Variants in ADGRL3 observed in about 807,000 individuals in gnomAD.
ADGRL3 encodes the protein adhesion G protein-coupled receptor L3.
Under a neutral mutation model 153.5 loss-of-function variants are expected in ADGRL3, and 62 were observed. The ratio of observed to expected loss-of-function variants is 0.40; its 90% confidence interval spans 0.33 to 0.50. The LOEUF is 0.50. Among genes scored for constraint, ADGRL3 ranks in the 20% least tolerant of loss-of-function variants. The pLI, the probability that ADGRL3 is intolerant of heterozygous loss-of-function variation, is 0.47. For synonymous variants in ADGRL3, 710 were observed against 672.5 expected (o/e 1.06, Z -0.86); for missense variants, 1,641 against 1,859.4 (o/e 0.88, Z 2.16).
chr4:61,294,454 A>G (rs2094333836), intron 1 of ADGRL3, among the ~76,000 whole-genome samples: 2 of 152,102 alleles, frequency 1.3e-5, no homozygotes, highest in South Asian at 4.1e-4. Context: ...TATTAAATGC[A>G]TTTTCAACTT....
chr4:61,787,725 ATAT>A (rs1432556402), intron 8 of ADGRL3, among the ~76,000 whole-genome samples: 1 of 152,060 alleles, frequency 6.6e-6, no homozygotes, highest in Non-Finnish European at 1.5e-5. Flanking sequence ...AAAAAATAAA[ATAT>A]TATTTTTATA....
rs944075891 is a variant in ADGRL3, at chr4:61,307,625, C to T, written c.-239-75499C>T. ...TGAATTGCAAATATCAGCTAATGAA[C>T]ATGAAGTATGAAAGTATGCAAACAA... On this transcript the variant is annotated intron_variant, in intron 1 of 26. Coordinates refer to ENST00000683033, the MANE Select transcript of ADGRL3 (RefSeq NM_001387552.1). 3.3e-5 allele frequency among the ~76,000 whole-genome samples: 5 copies of T among 151,940 alleles called. No homozygotes were observed. The East Asian group carries it at 9.6e-4, about 29-fold the overall frequency.
At chr4:61,644,369 T>G (rs2093851747) in intron 5 of ADGRL3, among the ~76,000 whole-genome samples, 1 of 151,950 alleles carries the variant, frequency 6.6e-6, no homozygotes, top group Non-Finnish European at 1.5e-5. Context: ...CTAGTTCTTT[T>G]AATTGTGATG....
chr4:62,052,597 AAG>A (rs1348839207), intron 25 of ADGRL3, among the ~76,000 whole-genome samples: 1 of 151,504 alleles, frequency 6.6e-6, no homozygotes, highest in East Asian at 1.9e-4. Flanking sequence ...CTTAGATTGT[AAG>A]AAGAATTTCA....
At chr4:61,264,776 T>C (rs2092746237) in intron 1 of ADGRL3, among the ~76,000 whole-genome samples, 1 of 151,630 alleles carries the variant, frequency 6.6e-6, no homozygotes, top group South Asian at 2.1e-4. Flanking sequence ...TGTTTATCTC[T>C]TGTGCTCTAC....
At chr4:61,907,256 A>G (rs977337439) in intron 11 of ADGRL3, among the ~76,000 whole-genome samples, 6 of 151,726 alleles carry the variant, frequency 4.0e-5, no homozygotes, top group African/African-American at 1.2e-4. Flanking sequence ...TTTTCTATTT[A>G]TTTATTTAGT....
chr4:61,201,217 G>T lies in ADGRL3; in HGVS notation c.-788G>T, dbSNP rs544375960. On this transcript the variant is annotated 5_prime_UTR_variant, in exon 1 of 27. Transcript: ENST00000683033. ...GAGAACTGGATATAAAGATCGGCTGGGGGGATGGTGGAAGATTTTTGGTCT... is the reference window on the plus strand; with the variant it reads ...GAGAACTGGATATAAAGATCGGCTGTGGGGATGGTGGAAGATTTTTGGTCT... 8.5e-5 allele frequency: 13 copies of T among 152,276 alleles called. No homozygotes were observed. The South Asian group carries it at 2.5e-3, about 30-fold the overall frequency. The allele number at this position is 152,276 out of a possible 1,614,324, so 9.4% of individuals were successfully genotyped here. A position where few individuals can be genotyped will look rare whatever the true frequency, so the allele number is the denominator to read the frequency against.
In ADGRL3 at chr4:62,070,536, C is replaced by A. The variant is rs777847599; in HGVS notation, c.4260C>A (p.Thr1420=). The change falls in exon 27 of 27, where the codon ACC becomes ACA. Residue 1420 remains threonine, a synonymous_variant. Coordinates refer to ENST00000683033, the MANE Select transcript of ADGRL3 (RefSeq NM_001387552.1). ...AGAACCACCAGCCACACCATTATACCAGAAGGCGGATCCCCCAAGACCACA... is the reference window on the plus strand; with the variant it reads ...AGAACCACCAGCCACACCATTATACAAGAAGGCGGATCCCCCAAGACCACA... ...STENHQPHHY[T]RRRIPQDHSE... is the part of the protein sequence containing the mutation. The A allele has an allele frequency of 5.8e-6, 9 of 1,551,194 alleles. No individual in the cohort carries two copies. The highest frequency in any genetic ancestry group is 7.8e-6 in the Non-Finnish European group (9 of 1,146,882).
chr4:61,682,588 C>G lies in ADGRL3; in HGVS notation c.583+5653C>G, dbSNP rs561748904. Among the ~76,000 whole-genome samples, 309 of 132,556 alleles carry G rather than the reference C, an allele frequency of 2.3e-3. 3 individuals carry two copies. Among genetic ancestry groups the G allele is most frequent in the South Asian group, 0.02 (85 of 4,296 alleles). 87.0% of individuals were successfully genotyped at this position (132,556 alleles called of 152,430 possible). ...ATTTTTTTTTTTTTTTTTTGTAGAC[C>G]TAGGGTCTCACTATGTTTCCCAGGC... On this transcript the variant is annotated intron_variant, in intron 6 of 26. Transcript: ENST00000683033.
intron 1 of ADGRL3, among the ~76,000 whole-genome samples, chr4:61,347,034 T>C (rs1471493054): frequency 1.3e-5 from 2 of 152,108 alleles, no homozygotes; most frequent in Non-Finnish European, 2.9e-5. Flanking sequence ...TGCCCTAGTC[T>C]GTGCTCTCAC....
At chr4:61,312,748 T>A (rs899310565) in intron 1 of ADGRL3, among the ~76,000 whole-genome samples, 13 of 152,192 alleles carry the variant, frequency 8.5e-5, no homozygotes, top group African/African-American at 3.1e-4. Context: ...GGTGAAGATA[T>A]GGAGCAACAG....
chr4:61,772,231 G>GA (rs1319946545), intron 8 of ADGRL3, among the ~76,000 whole-genome samples: 3 of 151,848 alleles, frequency 2.0e-5, no homozygotes, highest in African/African-American at 4.8e-5. Flanking sequence ...GACTGGATAG[G>GA]AAAAAAAATC....
intron 1 of ADGRL3, among the ~76,000 whole-genome samples, chr4:61,290,435 A>G (rs992792847): frequency 3.9e-5 from 6 of 152,032 alleles, no homozygotes; most frequent in Non-Finnish European, 5.9e-5. Flanking sequence ...CTATTTCTCT[A>G]TGTTTAAGCA....
At chr4:62,022,779 A>G (rs1246392981) in intron 21 of ADGRL3, among the ~76,000 whole-genome samples, 1 of 149,988 alleles carries the variant, frequency 6.7e-6, no homozygotes, top group African/African-American at 2.4e-5. Flanking sequence ...CCATGTTGAG[A>G]CCTACTGCTC....
chr4:61,889,987 A>G (rs934707154), intron 9 of ADGRL3, among the ~76,000 whole-genome samples: 1 of 152,234 alleles, frequency 6.6e-6, no homozygotes, highest in African/African-American at 2.4e-5. Flanking sequence ...CGAGAAGGGA[A>G]AGAAGACAAT....
At chr4:61,953,065 A>T (rs2150369411) in intron 17 of ADGRL3, among the ~76,000 whole-genome samples, 1 of 152,328 alleles carries the variant, frequency 6.6e-6, no homozygotes, top group East Asian at 1.9e-4. Context: ...GCGATCAATG[A>T]AAAACAGAAA....
intron 2 of ADGRL3, among the ~76,000 whole-genome samples, chr4:61,386,399 A>G (rs1182392992): frequency 1.3e-5 from 2 of 152,144 alleles, no homozygotes; most frequent in African/African-American, 4.8e-5. Context: ...ACTTGTCCTA[A>G]GAATATATTT....
intron 18 of ADGRL3, among the ~76,000 whole-genome samples, chr4:61,981,079 C>A (rs2099066614): frequency 6.6e-6 from 1 of 152,114 alleles, no homozygotes; most frequent in Admixed American, 6.5e-5. Context: ...GTGGCTGTAC[C>A]ATTTTGTGTT....
Position 62,070,436 on chromosome 4 carries a change from A to G in ADGRL3, c.4160A>G (p.Glu1387Gly). The change falls in exon 27 of 27, where the codon GAG becomes GGG. Residue 1387 changes from glutamate to glycine, a missense_variant. Glu to Gly is a moderately conservative substitution (Grantham distance 98). Around this residue, in one of 5 missense-constraint regions of ADGRL3, gnomAD observed 517 missense variants for 555.0 expected, o/e 0.93. Coordinates refer to ENST00000683033, the MANE Select transcript of ADGRL3 (RefSeq NM_001387552.1). The part of the protein sequence containing the change: ...VLDDATSFNH[E>G]ESLGLELIHE... ...GATGATGCCACCTCGTTTAACCACG[A>G]GGAGAGTTTGGGCCTGGAACTCATT... The G allele has an allele frequency of 6.4e-7, 1 of 1,551,824 alleles. No individual in the cohort carries two copies. The highest frequency in any genetic ancestry group is 8.7e-7 in the Non-Finnish European group (1 of 1,147,028).
Sources: gnomAD v4.1 joint callset for allele counts (sites outside exome capture counted in the v4.1 genomes callset) on GRCh38, gnomAD v4.1.1 for gene constraint, gnomAD v4.1.1 regional missense constraint, MANE v1.5 for transcripts, NCBI Gene and HGNC (gene_info 2026-07-23, HGNC 2026-07-21) for gene names.